Variants in ANKRD36 observed in about 807,000 individuals in gnomAD.
The protein encoded by ANKRD36 is ankyrin repeat domain 36.
ANKRD36 carries 179 observed loss-of-function variants against 278.1 expected under a neutral mutation model. That is an observed-to-expected ratio of 0.64 (90% CI 0.57 to 0.73). The LOEUF is 0.73. Among genes scored for constraint, ANKRD36 ranks in the 30% least tolerant of loss-of-function variants. The pLI is 0.00. For synonymous variants in ANKRD36, 320 were observed against 641.1 expected, an observed-to-expected ratio of 0.50 and a Z score of 7.57; for missense variants, 1,159 against 1,956.7, an observed-to-expected ratio of 0.59 and a Z score of 7.69.
At chr2:97,177,404 A>G (rs1020714923) in intron 22 of ANKRD36, among the ~76,000 whole-genome samples, 3 of 151,972 alleles carry the variant, frequency 2.0e-5, no homozygotes, top group Non-Finnish European at 4.4e-5. Context: ...AGCTGGAGGC[A>G]TCACACTACC....
chr2:97,225,114 T>C (rs1028575082), intron 67 of ANKRD36, among the ~76,000 whole-genome samples: 2 of 151,932 alleles, frequency 1.3e-5, no homozygotes, highest in African/African-American at 4.8e-5. Context: ...GTTCCTGATA[T>C]TGTTTGCACT....
At position 97,191,131 on chromosome 2, in the gene ANKRD36, C is replaced by T; in HGVS notation, c.2297C>T (p.Ser766Phe). 1.9e-6 allele frequency: 3 copies of T among 1,598,318 alleles called. No individual in the cohort carries two copies. In the South Asian group the frequency reaches 3.4e-5, roughly 18 times the overall value. Residue 766 changes from serine to phenylalanine, a missense_variant, in exon 36 of 76, where the codon TCT (serine) becomes TTT (phenylalanine). Ser to Phe is a radical substitution (Grantham distance 155, BLOSUM62 -2). Coordinates refer to ENST00000420699, the MANE Select transcript of ANKRD36 (RefSeq NM_001354587.1). ...ALKATTDEKD[S>F]VSNIATEIKD... is the part of the protein sequence containing the mutation. ...CAGGCTACAACTGATGAGAAAGATT[C>T]TGTTTCGAACATAGCCACAGAAATA...
chr2:97,213,323 G>A (rs367928432), intron 58 of ANKRD36, 96 bp from the exon 59 acceptor site: 2 of 367,576 alleles, frequency 5.4e-6, no homozygotes, highest in African/African-American at 2.8e-5. Flanking sequence ...ACTAATACAG[G>A]CAGGAAGATA....
chr2:97,209,808 T>A lies in ANKRD36; in HGVS notation c.3303T>A (p.Ser1101Arg). ...TTTCAAATTCCATTCAGGCTACAAG[T>A]GACGAGAAAGATTCTGTTTTGTATA... ...SRKKPALKAT[S>R]DEKDSVLYIA... The change falls in exon 56 of 76, where the codon AGT becomes AGA. Residue 1101 changes from serine (S) to arginine (R), a missense_variant. By Grantham distance (110) the Ser-to-Arg change is moderately radical. Coordinates refer to ENST00000420699, the MANE Select transcript of ANKRD36 (RefSeq NM_001354587.1). 1 of 1,600,476 alleles carries A rather than the reference T, an allele frequency of 6.2e-7. No homozygotes were observed. The highest frequency in any genetic ancestry group is 1.4e-5 in the African/African-American group (1 of 73,888).
chr2:97,138,494 A>G (rs572676114), intron 6 of ANKRD36, among the ~76,000 whole-genome samples: 3 of 152,098 alleles, frequency 2.0e-5, no homozygotes, highest in Non-Finnish European at 2.9e-5. Flanking sequence ...AATATCTTGA[A>G]AATGGCCATA....
At chr2:97,206,842 G>A (rs982353703) in intron 52 of ANKRD36, among the ~76,000 whole-genome samples, 2 of 151,440 alleles carry the variant, frequency 1.3e-5, no homozygotes, top group African/African-American at 4.8e-5. Context: ...TTTAGGTATA[G>A]AAATCAGACA....
chr2:97,221,815 G>T (rs1558897447), intron 66 of ANKRD36, among the ~76,000 whole-genome samples: 1 of 146,910 alleles, frequency 6.8e-6, no homozygotes, highest in Non-Finnish European at 1.5e-5. Context: ...GGCTTTTGTT[G>T]CCATTGCTTT....
chr2:97,204,081 A>G lies in ANKRD36; in HGVS notation c.2973A>G (p.Lys991=). 3 of 1,574,790 alleles carry G rather than the reference A, an allele frequency of 1.9e-6. No individual in the cohort carries two copies. The highest frequency in any genetic ancestry group is 2.6e-6 in the Non-Finnish European group (3 of 1,162,456). ...TTTACTTTTCAGTGTCTTCTGAGAA[A>G]CCACCAGGCTTGAAGGTAATGAAAC... The part of the protein sequence containing the change: ...GEKSRTVSSE[K]PPGLKATSDE... The change falls in exon 49 of 76, where the codon AAA becomes AAG. Residue 991 remains lysine (K), a synonymous_variant. Coordinates refer to ENST00000420699, the MANE Select transcript of ANKRD36 (RefSeq NM_001354587.1).
At chr2:97,205,152 T>C (rs1315067944) in intron 50 of ANKRD36, among the ~76,000 whole-genome samples, 3 of 151,702 alleles carry the variant, frequency 2.0e-5, no homozygotes, top group Non-Finnish European at 4.4e-5. Flanking sequence ...TTTCAATGAA[T>C]ATTGGAATGA....
chr2:97,127,294 T>C (rs916814380), intron 6 of ANKRD36, among the ~76,000 whole-genome samples, 160 bp downstream of exon 6: 2 of 151,888 alleles, frequency 1.3e-5, no homozygotes, highest in Non-Finnish European at 2.9e-5. Context: ...ATTTAAAAAG[T>C]TAATTGTAGG....
chr2:97,158,685 T>C, intron 17 of ANKRD36, 30 bp downstream of exon 17: 1 of 1,527,644 alleles, frequency 6.5e-7, no homozygotes, highest in Non-Finnish European at 8.8e-7. Flanking sequence ...AAAGCCAACA[T>C]AGAATAATCA....
Position 97,113,686 on chromosome 2 carries a change from T to C in ANKRD36, c.-54T>C, listed in dbSNP as rs1298620919. The C allele has an allele frequency of 2.5e-5, 40 of 1,607,760 alleles. No homozygotes were observed. The highest frequency in any genetic ancestry group is 3.3e-5 in the Non-Finnish European group (39 of 1,177,840). On this transcript the variant is annotated 5_prime_UTR_variant, in exon 1 of 76. Transcript: ENST00000420699. The stretch of plus-strand genomic sequence containing the variant: ...CGTTGTTGCTCTTCGGAGGCGGCGA[T>C]CCCCGAAGGCGAGCTGAAATACGGC...
chr2:97,196,686 A>T, intron 41 of ANKRD36, 30 bp from the exon 42 acceptor site: 1 of 1,582,970 alleles, frequency 6.3e-7, no homozygotes, highest in Non-Finnish European at 8.6e-7. Flanking sequence ...TACTTTATTT[A>T]TTTATTATTT....
At chr2:97,116,251 A>C (rs1269920851) in intron 1 of ANKRD36, among the ~76,000 whole-genome samples, 1 of 151,938 alleles carries the variant, frequency 6.6e-6, no homozygotes, top group Non-Finnish European at 1.5e-5. Flanking sequence ...CTCAGTTTCT[A>C]TTTTATTTTA....
intron 24 of ANKRD36, 42 bp from the exon 25 acceptor site, chr2:97,181,556 A>G (rs1243140290): frequency 1.2e-6 from 2 of 1,601,848 alleles, no homozygotes; most frequent in South Asian, 2.2e-5. Flanking sequence ...TAAATTTATC[A>G]TATGTACATG....
intron 4 of ANKRD36, among the ~76,000 whole-genome samples, chr2:97,123,613 T>TTTTATATA (rs1167709168): frequency 4.6e-5 from 3 of 64,676 alleles, no homozygotes; most frequent in African/African-American, 1.1e-4. Flanking sequence ...GTAAGTAACA[T>TTTTATATA]TATATATATA....
In ANKRD36 at chr2:97,118,337, C is replaced by T. The variant is rs1197999307; in HGVS notation, c.313-7C>T. 5.0e-6 allele frequency: 8 copies of T among 1,610,932 alleles called. 1 individual carries two copies. Among genetic ancestry groups the T allele is most frequent in the Non-Finnish European group, 6.8e-6 (8 of 1,178,694 alleles). On this transcript the variant is annotated splice_polypyrimidine_tract_variant and splice_region_variant and intron_variant, in intron 2 of 75. Coordinates refer to ENST00000420699, the MANE Select transcript of ANKRD36 (RefSeq NM_001354587.1). The stretch of plus-strand genomic sequence containing the variant: ...TATTTGCATGTTTCTCGGTCTAATA[C>T]TGACAGGCTGTACAACTGAGGCAGG...
Position 97,187,477 on chromosome 2 carries a change from G to A in ANKRD36, c.2143+76G>A, listed in dbSNP as rs1018674628. 3.3e-5 allele frequency: 47 copies of A among 1,438,722 alleles called. 1 individual carries two copies. The highest frequency in any genetic ancestry group is 1.3e-4 in the South Asian group (10 of 75,470). 89.1% of individuals were successfully genotyped at this position (1,438,722 alleles called of 1,614,324 possible). A position where few individuals can be genotyped will look rare whatever the true frequency, so the allele number is the denominator to read the frequency against. ...ACTTCTCTACCCCTAATAAATCAGCGGAGGGCGGGTGGGGGGGCTCGCCGA... is the reference window on the plus strand; with the variant it reads ...ACTTCTCTACCCCTAATAAATCAGCAGAGGGCGGGTGGGGGGGCTCGCCGA... On this transcript the variant is annotated intron_variant, in intron 32 of 75. Coordinates refer to ENST00000420699, the MANE Select transcript of ANKRD36 (RefSeq NM_001354587.1).
At position 97,208,592 on chromosome 2, in the gene ANKRD36, G is replaced by A. The variant is rs1388910783; in HGVS notation, c.3265+586G>A. 1.7e-4 allele frequency among the ~76,000 whole-genome samples: 25 copies of A among 146,226 alleles called. 1 individual carries two copies. Among genetic ancestry groups the A allele is most frequent in the Non-Finnish European group, 3.1e-4 (21 of 67,064 alleles). ...TCATAAAAAATATTTGCTTTTAGCT[G>A]CTCCAGGAACTACTGGAAGCAGGAA... On this transcript the variant is annotated intron_variant, in intron 54 of 75. Coordinates refer to ENST00000420699, the MANE Select transcript of ANKRD36 (RefSeq NM_001354587.1).
Sources: allele counts gnomAD v4.1 joint callset (sites outside exome capture counted in the v4.1 genomes callset), GRCh38; gene constraint gnomAD v4.1.1; transcripts MANE v1.5; gene names NCBI Gene and HGNC (gene_info 2026-07-23, HGNC 2026-07-21).